The following RGS12 variants were observed in gnomAD, a reference collection of about 807,000 sequenced individuals.
RGS12 encodes the protein regulator of G-protein signaling 12.
Under a neutral mutation model 120.1 loss-of-function variants are expected in RGS12, and 66 were observed. That is an observed-to-expected ratio of 0.55 (90% CI 0.45 to 0.67). The LOEUF is 0.67. Among genes scored for constraint, RGS12 ranks in the 30% least tolerant of loss-of-function variants. The pLI is 0.00. For synonymous variants in RGS12, 827 were observed against 804.7 expected, an observed-to-expected ratio of 1.03 and a Z score of -0.47; for missense variants, 1,859 against 1,957.7, an observed-to-expected ratio of 0.95 and a Z score of 0.95.
chr4:3,293,016 G>T (rs1453193329), upstream of RGS12: 1 of 149,704 alleles, frequency 6.7e-6, no homozygotes, highest in African/African-American at 2.4e-5. Flanking sequence ...ACCCCGGGGG[G>T]CGGTGGCTGC....
intron 1 of RGS12, among the ~76,000 whole-genome samples, chr4:3,315,133 C>T (rs374581844): frequency 7.9e-5 from 12 of 152,160 alleles, no homozygotes; most frequent in Non-Finnish European, 1.5e-4. Flanking sequence ...GTGCGTCCTG[C>T]GTGACCCCGC....
At position 3,430,707 on chromosome 4, in the gene RGS12, C is replaced by G. The variant is rs755111238; in HGVS notation, c.3866C>G (p.Pro1289Arg). The change falls in exon 17 of 18, where the codon CCC becomes CGC. Residue 1289 changes from proline (P) to arginine (R), a missense_variant. This residue lies in a region of RGS12 where 517 missense variants were observed against 488.5 expected (regional missense o/e 1.06). Transcript: ENST00000336727. The stretch of plus-strand genomic sequence containing the variant: ...CCCCCTGGACCTCCTGGGACGACCC[C>G]CCCCGGGCAGAAGTCTCCCAGCGGG... ...SSPPGPPGTT[P>R]PGQKSPSGPF... 23 of 1,579,314 alleles carry G rather than the reference C, an allele frequency of 1.5e-5. No individual in the cohort carries two copies. Among genetic ancestry groups the G allele is most frequent in the Admixed American group, 3.5e-5 (2 of 56,994 alleles).
rs1714158884 is a variant in RGS12 at position 3,349,554 on chromosome 4, T to C, written c.1998+6501T>C. Among the ~76,000 whole-genome samples the C allele has an allele frequency of 2.0e-5, 3 of 152,278 alleles. No individual in the cohort carries two copies. In the South Asian group the frequency reaches 6.2e-4, roughly 32 times the overall value. ...AAACTAGACAAAATTACTCTTTTTTTCAATAAAGAACACATTTTTATTCCT... is the reference window on the plus strand; with the variant it reads ...AAACTAGACAAAATTACTCTTTTTTCCAATAAAGAACACATTTTTATTCCT... On this transcript the variant is annotated intron_variant, in intron 3 of 17. Coordinates refer to ENST00000336727, the MANE Select transcript of RGS12 (RefSeq NM_001394154.1).
chr4:3,397,693 T>G (rs1720177902), intron 4 of RGS12, among the ~76,000 whole-genome samples: 1 of 152,236 alleles, frequency 6.6e-6, no homozygotes, highest in Non-Finnish European at 1.5e-5. Context: ...CAAAATCTAC[T>G]GGAGATATTG....
chr4:3,376,019 A>G (rs2108917091), intron 3 of RGS12, among the ~76,000 whole-genome samples: 1 of 152,334 alleles, frequency 6.6e-6, no homozygotes, highest in East Asian at 1.9e-4. Context: ...GTTTGTCCCA[A>G]CAGAGGGTTA....
intron 17 of RGS12, chr4:3,431,715 T>G: frequency 1.0e-6 from 1 of 985,514 alleles, no homozygotes; most frequent in Non-Finnish European, 1.2e-6. Context: ...GGCCATCCCC[T>G]GGAGAGAGGA....
intron 17 of RGS12, among the ~76,000 whole-genome samples, chr4:3,435,376 A>T (rs1327425970): frequency 6.6e-6 from 1 of 152,040 alleles, no homozygotes; most frequent in African/African-American, 2.4e-5. Flanking sequence ...CGCCCTCCGC[A>T]GGAGCAGATG....
At chr4:3,431,491 C>T in intron 17 of RGS12, 1 of 987,902 alleles carries the variant, frequency 1.0e-6, no homozygotes, top group Non-Finnish European at 1.2e-6. Flanking sequence ...GGTGTGGGTG[C>T]TCGGGAGTGG....
intron 16 of RGS12, 94 bp downstream of exon 16, chr4:3,428,805 G>A (rs1723946027): frequency 9.0e-7 from 1 of 1,110,224 alleles, no homozygotes; most frequent in Non-Finnish European, 1.3e-6. Context: ...TCAGCATCTG[G>A]GTGACTGCGG....
rs201139365 is a variant in RGS12 at position 3,414,818 on chromosome 4, C to A, written c.2257C>A (p.His753Asn). 8.7e-6 allele frequency: 14 copies of A among 1,613,432 alleles called. No homozygotes were observed. Among genetic ancestry groups the A allele is most frequent in the Non-Finnish European group, 1.1e-5 (13 of 1,179,406 alleles). ...CTGGCAGGCCTGTGAATATTTTAAT[C>A]ATGTTCCTGCACATGACAAAAAGGA... ...LFWQACEYFN[H>N]VPAHDKKELS... Residue 753 changes from histidine to asparagine, a missense_variant, in exon 6 of 18, where the codon CAT (histidine) becomes AAT (asparagine). This residue lies in a region of RGS12 where 375 missense variants were observed against 475.0 expected (regional missense o/e 0.79). Coordinates refer to ENST00000336727, the MANE Select transcript of RGS12 (RefSeq NM_001394154.1).
intron 3 of RGS12, among the ~76,000 whole-genome samples, chr4:3,379,275 AC>A (rs1718027757): frequency 6.6e-6 from 1 of 152,038 alleles, no homozygotes; most frequent in Non-Finnish European, 1.5e-5. Flanking sequence ...AGTTCTAGAG[AC>A]CTGATGTACA....
chr4:3,359,646 A>G (rs980674154), intron 3 of RGS12, among the ~76,000 whole-genome samples: 4 of 126,656 alleles, frequency 3.2e-5, no homozygotes, highest in Non-Finnish European at 6.6e-5. Flanking sequence ...TTTTTGAGGC[A>G]GTGTCTTACT....
chr4:3,331,613 T>TA (rs554902197), intron 2 of RGS12, among the ~76,000 whole-genome samples: 2,900 of 141,148 alleles, frequency 0.021, 65 homozygotes, highest in African/African-American at 0.066. Context: ...AAATAGATTG[T>TA]AAAAAAAAAA....
intron 1 of RGS12, among the ~76,000 whole-genome samples, chr4:3,315,754 C>T (rs1724696491): frequency 6.6e-6 from 1 of 152,224 alleles, no homozygotes; most frequent in African/African-American, 2.4e-5. Flanking sequence ...ACGGACCACA[C>T]TTTGAGTAGC....
intron 15 of RGS12, 55 bp downstream of exon 15, chr4:3,428,224 C>A: frequency 2.7e-6 from 4 of 1,484,976 alleles, no homozygotes; most frequent in Non-Finnish European, 3.8e-6. Flanking sequence ...GTGGCCCCCG[C>A]CTGCCCTGCG....
intron 1 of RGS12, among the ~76,000 whole-genome samples, chr4:3,304,303 T>A (rs1329075000): frequency 2.0e-5 from 3 of 152,226 alleles, no homozygotes; most frequent in Non-Finnish European, 2.9e-5. Flanking sequence ...CAAAAACTAC[T>A]CATAATGTTG....
intron 1 of RGS12, among the ~76,000 whole-genome samples, chr4:3,294,024 G>GTGT (rs1578659575): frequency 1.8e-4 from 28 of 152,346 alleles, no homozygotes; most frequent in South Asian, 4.1e-4. Context: ...AGTGTGGACA[G>GTGT]AGAGGACCAC....
intron 1 of RGS12, among the ~76,000 whole-genome samples, chr4:3,298,981 C>G (rs1185523774): frequency 6.6e-6 from 1 of 152,168 alleles, no homozygotes; most frequent in African/African-American, 2.4e-5. Flanking sequence ...TGGCTTCTTC[C>G]AACTATGGGC....
chr4:3,415,163 G>C (rs1722242934), intron 6 of RGS12, among the ~76,000 whole-genome samples: 2 of 150,872 alleles, frequency 1.3e-5, no homozygotes, highest in African/African-American at 4.9e-5. Flanking sequence ...GCGTGTGTGT[G>C]AGGGGCGTGT....
Sources: allele counts gnomAD v4.1 joint callset (sites outside exome capture counted in the v4.1 genomes callset), GRCh38; gene constraint gnomAD v4.1.1; regional missense constraint gnomAD v4.1.1; transcripts MANE v1.5; gene names NCBI Gene and HGNC (gene_info 2026-07-23, HGNC 2026-07-21).